Variants in EBPL observed in about 807,000 individuals in gnomAD.
EBPL encodes the protein emopamil-binding protein-like.
A neutral mutation model predicts 19.0 loss-of-function variants in EBPL; 20 were observed. That is an observed-to-expected ratio of 1.05 (90% CI 0.74 to 1.53). The LOEUF (loss-of-function observed/expected upper bound fraction) is 1.53, where lower values mean the gene tolerates loss of function less well. EBPL is among the 40% of genes most tolerant of loss of function. The pLI is 0.00. For synonymous variants in EBPL, 107 were observed against 117.0 expected (o/e 0.91, Z 0.55); for missense variants, 219 against 261.1 (o/e 0.84, Z 1.11).
chr13:49,684,133 C>T (rs1953972158), intron 1 of EBPL, among the ~76,000 whole-genome samples: 1 of 152,130 alleles, frequency 6.6e-6, no homozygotes, highest in Admixed American at 6.5e-5. Flanking sequence ...TTCAAAGGGA[C>T]ATGAGAAAAC....
In EBPL at chr13:49,663,078, A is replaced by G. The variant is rs770144938; in HGVS notation, c.359T>C (p.Ile120Thr). The change falls in exon 3 of 4, where the codon ATA becomes ACA. Residue 120 changes from isoleucine (I) to threonine (T), a missense_variant. Ile to Thr is a moderately conservative substitution (Grantham distance 89, BLOSUM62 -1). Transcript: ENST00000242827. Reference sequence around the variant, plus strand: ...CTACCGGTAATATTTTTCTTTGACTATGGCATAAATGAGGAACAATGCCAG... The same window carrying G: ...CTACCGGTAATATTTTTCTTTGACTGTGGCATAAATGAGGAACAATGCCAG... ...GSLALFLIYA[I>T]VKEKYYRHFL... is the part of the protein sequence containing the mutation. 1.9e-6 allele frequency: 3 copies of G among 1,614,004 alleles called. No individual in the cohort carries two copies. In the African/African-American group the frequency reaches 4.0e-5, roughly 22 times the overall value.
intron 1 of EBPL, among the ~76,000 whole-genome samples, chr13:49,682,551 G>A (rs989090936): frequency 1.3e-5 from 2 of 152,162 alleles, no homozygotes; most frequent in Admixed American, 1.3e-4. Context: ...ATTCAAACAC[G>A]GTTCATGAAC....
Position 49,669,793 on chromosome 13 carries a change from G to A in EBPL, c.225C>T (p.Gly75=). The A allele has an allele frequency of 4.3e-6, 7 of 1,614,046 alleles. No homozygotes were observed. The highest frequency in any genetic ancestry group is 5.9e-6 in the Non-Finnish European group (7 of 1,179,968). ...SLVGNVANSD[G]LIASLWKEYG... ...ATTACTTACATAAAGAAGCAATCAA[G>A]CCATCGGAATTTGCAACGTTTCCTA... Residue 75 remains glycine (G), a synonymous_variant, in exon 2 of 4, where the codon GGC becomes GGT. Coordinates refer to ENST00000242827, the MANE Select transcript of EBPL (RefSeq NM_032565.5).
intron 1 of EBPL, chr13:49,686,646 C>T (rs1476623700): frequency 2.3e-6 from 3 of 1,283,240 alleles, no homozygotes; most frequent in East Asian, 1.1e-4. Flanking sequence ...GCTCTTTCAC[C>T]CTTCTGTTCT....
intron 1 of EBPL, among the ~76,000 whole-genome samples, chr13:49,672,843 A>G (rs1953833012): frequency 6.6e-6 from 1 of 152,174 alleles, no homozygotes; most frequent in African/African-American, 2.4e-5. Flanking sequence ...GCGAATCACG[A>G]GGTCAGGAGT....
rs763862704 is a variant in EBPL, at chr13:49,669,806, G to A, written c.212C>T (p.Ala71Val). 4 of 1,614,134 alleles carry A rather than the reference G, an allele frequency of 2.5e-6. No homozygotes were observed. The East Asian group carries it at 8.9e-5, about 36-fold the overall frequency. Reference protein sequence around the residue: ...FVYLSLVGNVANSDGLIASLW... With the variant: ...FVYLSLVGNVVNSDGLIASLW... ...AGAAGCAATCAAGCCATCGGAATTT[G>A]CAACGTTTCCTACTAAAGACAAGTA... The change falls in exon 2 of 4, where the codon GCA (alanine) becomes GTA (valine). Residue 71 changes from alanine to valine, a missense_variant. This residue lies in a region of EBPL where 170 missense variants were observed against 167.0 expected (regional missense o/e 1.02). Coordinates refer to ENST00000242827, the MANE Select transcript of EBPL (RefSeq NM_032565.5).
intron 1 of EBPL, among the ~76,000 whole-genome samples, chr13:49,672,309 T>C (rs1013783586): frequency 1.3e-5 from 2 of 152,228 alleles, no homozygotes; most frequent in Non-Finnish European, 2.9e-5. Flanking sequence ...AAAGATAGTA[T>C]AATACATATC....
At chr13:49,685,657 G>A (rs1421890698) in intron 1 of EBPL, among the ~76,000 whole-genome samples, 5 of 152,102 alleles carry the variant, frequency 3.3e-5, no homozygotes, top group South Asian at 4.1e-4. Context: ...GGCGGATCAC[G>A]AGGTCAGGAG....
intron 1 of EBPL, among the ~76,000 whole-genome samples, chr13:49,681,666 T>C (rs1953944907): frequency 1.3e-5 from 2 of 152,216 alleles, no homozygotes; most frequent in South Asian, 4.1e-4. Context: ...ATCAAACAAA[T>C]GATTAAGTTA....
At chr13:49,674,713 A>G (rs999634641) in intron 1 of EBPL, among the ~76,000 whole-genome samples, 2 of 152,156 alleles carry the variant, frequency 1.3e-5, no homozygotes, top group African/African-American at 4.8e-5. Context: ...GGATGGAGGA[A>G]GATGAGGGAG....
At chr13:49,668,734 T>C (rs1375914734) in intron 2 of EBPL, among the ~76,000 whole-genome samples, 2 of 152,106 alleles carry the variant, frequency 1.3e-5, no homozygotes, top group South Asian at 2.1e-4. Flanking sequence ...AATTGAATAT[T>C]GACTGACAAT....
intron 1 of EBPL, among the ~76,000 whole-genome samples, chr13:49,676,399 G>C (rs1953876276): frequency 6.6e-6 from 1 of 152,064 alleles, no homozygotes; most frequent in South Asian, 2.1e-4. Context: ...AGACCATCCT[G>C]GTTAACACGG....
chr13:49,662,641 GCTT>G (rs1440605388), intron 3 of EBPL, among the ~76,000 whole-genome samples: 1 of 150,890 alleles, frequency 6.6e-6, no homozygotes, highest in African/African-American at 2.4e-5. Flanking sequence ...TTTCTCTTCT[GCTT>G]TTTTTTTTTG....
chr13:49,667,766 C>T (rs750518737), intron 2 of EBPL, among the ~76,000 whole-genome samples: 2 of 152,220 alleles, frequency 1.3e-5, no homozygotes, highest in East Asian at 1.9e-4. Flanking sequence ...GCTCCAGGCT[C>T]GTGCCACTGC....
At chr13:49,675,197 A>G (rs1273405513) in intron 1 of EBPL, among the ~76,000 whole-genome samples, 2 of 152,228 alleles carry the variant, frequency 1.3e-5, no homozygotes, top group South Asian at 2.1e-4. Flanking sequence ...CGTAGGCTAT[A>G]TGGATAGCCT....
Position 49,663,363 on chromosome 13 carries a change from C to T in EBPL, c.242-168G>A, listed in dbSNP as rs369488693. Among the ~76,000 whole-genome samples, 11 of 152,294 alleles carry T rather than the reference C, an allele frequency of 7.2e-5. No homozygotes were observed. The East Asian group carries it at 1.4e-3, about 19-fold the overall frequency. On this transcript the variant is annotated intron_variant, in intron 2 of 3. Coordinates refer to ENST00000242827, the MANE Select transcript of EBPL (RefSeq NM_032565.5). ...CAGGAGAAGCCCTGGGACCAAAATGCGTTTACCACCTGACACAAGCACTGA... is the reference window on the plus strand; with the variant it reads ...CAGGAGAAGCCCTGGGACCAAAATGTGTTTACCACCTGACACAAGCACTGA...
intron 1 of EBPL, among the ~76,000 whole-genome samples, chr13:49,676,804 T>C (rs1953881561): frequency 6.6e-6 from 1 of 152,070 alleles, no homozygotes; most frequent in Non-Finnish European, 1.5e-5. Flanking sequence ...CAAATACACA[T>C]ACAGTGAGAT....
chr13:49,686,732 C>CT, intron 1 of EBPL: 1 of 803,224 alleles, frequency 1.2e-6, no homozygotes, highest in Non-Finnish European at 1.7e-6. Context: ...TCCCAGCACT[C>CT]TCTCTTCTGC....
chr13:49,691,256 G>A lies in EBPL; in HGVS notation c.169C>T (p.Leu57=). 7.2e-7 allele frequency: 1 copy of A among 1,387,382 alleles called. No homozygotes were observed. Among genetic ancestry groups the A allele is most frequent in the Non-Finnish European group, 9.4e-7 (1 of 1,068,594 alleles). 85.9% of individuals were successfully genotyped at this position (1,387,382 alleles called of 1,614,324 possible). A position where few individuals can be genotyped will look rare whatever the true frequency, so the allele number is the denominator to read the frequency against. Residue 57 remains leucine (L), a splice_region_variant and synonymous_variant, in exon 1 of 4, where the codon CTG becomes TTG. Transcript: ENST00000242827. ...LCYDALVHFA[L]EGPFVYLSLV... ...AGGGTCTAGGCGATGGCACTTACCA[G>A]CGCGAAGTGCACCAGCGCGTCGTAG... is the stretch of plus-strand genomic sequence containing the variant.
Sources: gnomAD v4.1 joint callset for allele counts (sites outside exome capture counted in the v4.1 genomes callset) on GRCh38, gnomAD v4.1.1 for gene constraint, gnomAD v4.1.1 regional missense constraint, MANE v1.5 for transcripts, NCBI Gene and HGNC (gene_info 2026-07-23, HGNC 2026-07-21) for gene names.